The following TRPM3 variants were observed in gnomAD, a reference collection of about 807,000 sequenced individuals.
TRPM3 encodes transient receptor potential cation channel subfamily M member 3, also known as long transient receptor potential channel 3.
TRPM3 carries 77 observed loss-of-function variants against 181.2 expected under a neutral mutation model. The observed-to-expected ratio is 0.42, with a 90% CI of 0.35 to 0.51. The LOEUF (loss-of-function observed/expected upper bound fraction) is 0.51. Among genes scored for constraint, TRPM3 ranks in the 20% least tolerant of loss-of-function variants. The probability of loss-of-function intolerance (pLI) is 0.01; values close to 1 mark genes in which losing one functional copy is unlikely to be tolerated. For synonymous variants in TRPM3, 745 were observed against 796.4 expected, an observed-to-expected ratio of 0.94 and a Z score of 1.09; for missense variants, 1,759 against 2,196.7, an observed-to-expected ratio of 0.80 and a Z score of 3.98.
intron 1 of TRPM3, chr9:71,446,552 C>T: frequency 8.0e-7 from 1 of 1,252,070 alleles, no homozygotes; most frequent in Non-Finnish European, 1.1e-6. Flanking sequence ...TTCCCTGGCT[C>T]TCACCCTTAG....
chr9:71,397,662 C>A (rs1266804915), intron 1 of TRPM3, among the ~76,000 whole-genome samples: 1 of 152,086 alleles, frequency 6.6e-6, no homozygotes, highest in Non-Finnish European at 1.5e-5. Flanking sequence ...ATCAGAGAAG[C>A]TTGAAATAAA....
chr9:70,784,726 C>T (rs1044100183), intron 6 of TRPM3, among the ~76,000 whole-genome samples: 1 of 152,150 alleles, frequency 6.6e-6, no homozygotes, highest in African/African-American at 2.4e-5. Context: ...CTGAAGTTAT[C>T]ACAGGGGTAA....
chr9:70,814,356 C>T (rs967810844), intron 6 of TRPM3, among the ~76,000 whole-genome samples: 1 of 152,024 alleles, frequency 6.6e-6, no homozygotes, highest in Non-Finnish European at 1.5e-5. Flanking sequence ...TGAAGGAGCA[C>T]GATGGACAAT....
intron 8 of TRPM3, among the ~76,000 whole-genome samples, chr9:70,741,790 A>G (rs533575136): frequency 6.6e-6 from 1 of 152,276 alleles, no homozygotes; most frequent in Admixed American, 6.5e-5. Context: ...GCAAAAACGT[A>G]AGAATGATAC....
chr9:70,572,890 C>T (rs192947431), intron 22 of TRPM3, among the ~76,000 whole-genome samples: 73 of 152,124 alleles, frequency 4.8e-4, no homozygotes, highest in African/African-American at 1.6e-3. Flanking sequence ...ATTTTAAAGC[C>T]CTGAACGGGC....
At chr9:71,316,758 G>T (rs1219874404) in intron 1 of TRPM3, among the ~76,000 whole-genome samples, 1 of 152,066 alleles carries the variant, frequency 6.6e-6, no homozygotes, top group African/African-American at 2.4e-5. Flanking sequence ...CTGACTTACA[G>T]AACTCTAAGG....
intron 24 of TRPM3, among the ~76,000 whole-genome samples, chr9:70,552,025 C>A (rs760698935): frequency 8.5e-5 from 13 of 152,162 alleles, no homozygotes; most frequent in Non-Finnish European, 1.6e-4. Context: ...GGTGACCACA[C>A]AGAGGGAAGT....
intron 1 of TRPM3, among the ~76,000 whole-genome samples, chr9:70,991,703 T>G (rs969296429): frequency 1.3e-5 from 2 of 152,118 alleles, no homozygotes; most frequent in African/African-American, 2.4e-5. Flanking sequence ...TAACTTAAAT[T>G]TCTTCAGTTG....
At chr9:70,945,917 T>C (rs1237957354) in intron 1 of TRPM3, among the ~76,000 whole-genome samples, 2 of 152,010 alleles carry the variant, frequency 1.3e-5, no homozygotes, top group African/African-American at 2.4e-5. Flanking sequence ...CATTGGGACC[T>C]GAAAAGGGAG....
chr9:70,962,053 G>A (rs1226642881), intron 1 of TRPM3, among the ~76,000 whole-genome samples: 1 of 152,142 alleles, frequency 6.6e-6, no homozygotes, highest in African/African-American at 2.4e-5. Flanking sequence ...GAGAACTAGA[G>A]AAGGCACTAA....
rs148961294 is a variant in TRPM3 at position 71,358,229 on chromosome 9, T to C, written c.183+88424A>G. Among the ~76,000 whole-genome samples, 5 of 152,316 alleles carry C rather than the reference T, an allele frequency of 3.3e-5. No homozygotes were observed. In the East Asian group the frequency reaches 9.6e-4, roughly 29 times the overall value. ...ATTTTGCTATCAATCATAATCATTC[T>C]CAACAGCATCTTATTGTTGATGCTT... is the stretch of plus-strand genomic sequence containing the variant. On this transcript the variant is annotated intron_variant, in intron 1 of 24. Coordinates refer to the TRPM3 transcript ENST00000357533.
intron 1 of TRPM3, among the ~76,000 whole-genome samples, chr9:71,053,925 T>C (rs2060355576): frequency 6.6e-6 from 1 of 152,078 alleles, no homozygotes; most frequent in Non-Finnish European, 1.5e-5. Context: ...CTCAAGAGCT[T>C]CAATGTAAAA....
At chr9:71,338,635 G>A (rs2090741346) in intron 1 of TRPM3, among the ~76,000 whole-genome samples, 5 of 151,908 alleles carry the variant, frequency 3.3e-5, no homozygotes, top group African/African-American at 7.3e-5. Context: ...TCCTAAAACT[G>A]ATAAAAAGCA....
chr9:71,296,786 T>C (rs2086299470), intron 1 of TRPM3, among the ~76,000 whole-genome samples: 1 of 152,008 alleles, frequency 6.6e-6, no homozygotes, highest in Admixed American at 6.6e-5. Flanking sequence ...ACTGAGATGG[T>C]AGCAATAAAA....
intron 1 of TRPM3, among the ~76,000 whole-genome samples, chr9:71,268,196 C>G (rs2083520229): frequency 6.6e-6 from 1 of 152,038 alleles, no homozygotes; most frequent in African/African-American, 2.4e-5. Flanking sequence ...GCCTGGCCAA[C>G]ATGGTGAAAC....
At chr9:70,992,450 A>G (rs1402129549) in intron 1 of TRPM3, among the ~76,000 whole-genome samples, 1 of 152,150 alleles carries the variant, frequency 6.6e-6, no homozygotes, top group African/African-American at 2.4e-5. Context: ...ATGAGAGTCT[A>G]CTATGTGCTG....
intron 24 of TRPM3, among the ~76,000 whole-genome samples, chr9:70,551,731 G>T (rs1237408706): frequency 6.6e-6 from 1 of 152,122 alleles, no homozygotes; most frequent in Non-Finnish European, 1.5e-5. Context: ...AGAGCATCCC[G>T]CTGCCCCTGA....
At chr9:70,789,474 G>T (rs1290744487) in intron 6 of TRPM3, among the ~76,000 whole-genome samples, 1 of 152,146 alleles carries the variant, frequency 6.6e-6, no homozygotes, top group Non-Finnish European at 1.5e-5. Context: ...AAATTACCTA[G>T]ATTCTCCCAG....
At chr9:70,801,511 C>A (rs1440459046) in intron 6 of TRPM3, among the ~76,000 whole-genome samples, 2 of 152,126 alleles carry the variant, frequency 1.3e-5, no homozygotes, top group South Asian at 2.1e-4. Flanking sequence ...TAAATTAATT[C>A]TTTTTTTCAT....
Sources: allele counts gnomAD v4.1 joint callset (sites outside exome capture counted in the v4.1 genomes callset), GRCh38; gene constraint gnomAD v4.1.1; transcripts MANE v1.5; gene names NCBI Gene and HGNC (gene_info 2026-07-23, HGNC 2026-07-21).